The following CHST8 variants were observed in gnomAD, a reference collection of about 807,000 sequenced individuals.
The protein encoded by CHST8 is GALNAC-4-ST1.
In CHST8, 10 loss-of-function variants were observed where a neutral mutation model predicts 15.0. That is an observed-to-expected ratio of 0.67 (90% CI 0.41 to 1.13). The LOEUF (loss-of-function observed/expected upper bound fraction) is 1.13. CHST8 is among the 50% of genes most tolerant of loss of function. The probability of loss-of-function intolerance (pLI) is 0.00; values close to 1 mark genes in which losing one functional copy is unlikely to be tolerated. For synonymous variants in CHST8, 259 were observed against 256.6 expected, an observed-to-expected ratio of 1.01 and a Z score of -0.09; for missense variants, 634 against 608.2, an observed-to-expected ratio of 1.04 and a Z score of -0.45.
chr19:33,659,747 G>A (rs1360256444), intron 1 of CHST8, among the ~76,000 whole-genome samples: 1 of 152,116 alleles, frequency 6.6e-6, no homozygotes, highest in African/African-American at 2.4e-5. Flanking sequence ...GGAGGTGGAG[G>A]CTGCAGTGAG....
In CHST8 at chr19:33,694,204, ATATATATATATATAT is replaced by A. The variant is rs1568331140; in HGVS notation, c.130+4814_130+4828del. ...TATATATATATATATATATATATAT[ATATATATATATATAT>A]AATGTTACCATACAGATTCTCTTGC... On this transcript the variant is annotated intron_variant, in intron 3 of 4. Coordinates refer to ENST00000650847, the MANE Select transcript of CHST8 (RefSeq NM_001127895.2). 1.2e-3 allele frequency among the ~76,000 whole-genome samples: 106 copies of A among 92,146 alleles called. 4 individuals carry two copies. The highest frequency in any genetic ancestry group is 4.5e-3 in the African/African-American group (98 of 21,602). The allele number at this position is 92,146 out of a possible 152,430, so 60.5% of individuals were successfully genotyped here. A position where few individuals can be genotyped will look rare whatever the true frequency, so the allele number is the denominator to read the frequency against.
intron 3 of CHST8, among the ~76,000 whole-genome samples, chr19:33,706,206 G>A (rs1223284808): frequency 6.6e-6 from 1 of 152,214 alleles, no homozygotes; most frequent in South Asian, 2.1e-4. Flanking sequence ...TGGAGGGCCA[G>A]CCTGGGTTAG....
At chr19:33,684,158 C>T (rs1972934661) in intron 2 of CHST8, among the ~76,000 whole-genome samples, 1 of 152,160 alleles carries the variant, frequency 6.6e-6, no homozygotes, top group African/African-American at 2.4e-5. Context: ...GGCTGTGGTG[C>T]TCCTAGTAGG....
chr19:33,755,957 G>C (rs1017247159), intron 3 of CHST8, among the ~76,000 whole-genome samples: 1 of 152,140 alleles, frequency 6.6e-6, no homozygotes, highest in Non-Finnish European at 1.5e-5. Flanking sequence ...GCCTTGAAAG[G>C]GGAATTCAGG....
intron 1 of CHST8, among the ~76,000 whole-genome samples, chr19:33,652,984 G>A (rs536149918): frequency 2.6e-5 from 4 of 152,150 alleles, no homozygotes; most frequent in East Asian, 1.9e-4. Flanking sequence ...TATATCTTTT[G>A]TTGTCTAATT....
Position 33,772,161 on chromosome 19 carries a change from A to G in CHST8, c.373A>G (p.Ile125Val). Residue 125 changes from isoleucine (I) to valine (V), a missense_variant, in exon 5 of 5, where the codon ATC becomes GTC. Physicochemically the swap from Ile to Val is conservative, Grantham distance 29. Transcript: ENST00000650847. ...CAAGAAAATGCCAGCTGCGGCGACC[A>G]TCCCGGCCAACAGCTCGGACGCGCC... The part of the protein sequence containing the change: ...LIKKMPAAAT[I>V]PANSSDAPFI... 1 of 1,602,476 alleles carries G rather than the reference A, an allele frequency of 6.2e-7. No individual in the cohort carries two copies. Among genetic ancestry groups the G allele is most frequent in the East Asian group, 2.2e-5 (1 of 44,474 alleles).
intron 3 of CHST8, among the ~76,000 whole-genome samples, chr19:33,721,931 AGATG>A (rs1420516500): frequency 2.0e-5 from 3 of 146,486 alleles, no homozygotes; most frequent in African/African-American, 7.7e-5. Flanking sequence ...ATGGATGGAC[AGATG>A]GATGGATGGG....
rs546787728 is a variant in CHST8, at chr19:33,744,807, G to A, written c.131-26606G>A. ...TCTGTCGCCCAGGCTAGAGTACAGT[G>A]GCATGATCTCAGCCCACTGCAACCT... On this transcript the variant is annotated intron_variant, in intron 3 of 4. Transcript: ENST00000650847. 3.1e-4 allele frequency among the ~76,000 whole-genome samples: 47 copies of A among 152,170 alleles called. 1 individual carries two copies. In the East Asian group the frequency reaches 7.2e-3, roughly 23 times the overall value.
intron 3 of CHST8, among the ~76,000 whole-genome samples, chr19:33,710,363 T>A (rs1025313452): frequency 6.6e-6 from 1 of 152,232 alleles, no homozygotes; most frequent in Admixed American, 6.5e-5. Flanking sequence ...GCTTCAGGTT[T>A]AGTTTGTCCT....
At chr19:33,631,557 C>T (rs538234113) in intron 1 of CHST8, among the ~76,000 whole-genome samples, 6 of 152,214 alleles carry the variant, frequency 3.9e-5, no homozygotes, top group Admixed American at 6.5e-5. Context: ...CCTTGGTGTG[C>T]GTGGTAAATT....
Position 33,693,946 on chromosome 19 carries a change from AG to A in CHST8, c.130+4556del, listed in dbSNP as rs1196854507. On this transcript the variant is annotated intron_variant, in intron 3 of 4. Transcript: ENST00000650847. ...TTATCACTCCTTCTTCATTCTTTTA[AG>A]TGGAATGGATTTTGTTTTAATGGGG... is the stretch of plus-strand genomic sequence containing the variant. 7.9e-5 allele frequency among the ~76,000 whole-genome samples: 12 copies of A among 151,092 alleles called. No individual in the cohort carries two copies. In the East Asian group the frequency reaches 2.1e-3, roughly 27 times the overall value.
At chr19:33,634,212 C>G (rs1011601825) in intron 1 of CHST8, among the ~76,000 whole-genome samples, 4 of 152,180 alleles carry the variant, frequency 2.6e-5, no homozygotes, top group Admixed American at 1.3e-4. Context: ...CTCTCCCACT[C>G]CACGTCCTGT....
intron 3 of CHST8, among the ~76,000 whole-genome samples, chr19:33,724,404 A>G (rs1973855140): frequency 1.3e-5 from 2 of 152,176 alleles, no homozygotes; most frequent in African/African-American, 4.8e-5. Context: ...CTCCACTTTT[A>G]GATGAGGATA....
In CHST8 at chr19:33,720,778, A is replaced by G. The variant is rs995246334; in HGVS notation, c.130+31387A>G. Among the ~76,000 whole-genome samples, 12 of 152,330 alleles carry G rather than the reference A, an allele frequency of 7.9e-5. No homozygotes were observed. The East Asian group carries it at 1.7e-3, about 22-fold the overall frequency. On this transcript the variant is annotated intron_variant, in intron 3 of 4. Transcript: ENST00000650847. ...CTCCAGGGCAGGCCCCCACTCCCCTATCCTCCTTCCACTATGCAGTTCCTT... is the reference window on the plus strand; with the variant it reads ...CTCCAGGGCAGGCCCCCACTCCCCTGTCCTCCTTCCACTATGCAGTTCCTT...
chr19:33,630,719 C>T (rs1470131634), intron 1 of CHST8, among the ~76,000 whole-genome samples: 1 of 151,644 alleles, frequency 6.6e-6, no homozygotes, highest in East Asian at 2.0e-4. Context: ...TACAGGCAGT[C>T]TGTCTAACTG....
intron 3 of CHST8, among the ~76,000 whole-genome samples, chr19:33,727,018 G>T (rs1489016060): frequency 6.6e-6 from 1 of 151,688 alleles, no homozygotes; most frequent in African/African-American, 2.4e-5. Context: ...TGCCACTTTC[G>T]CTGATGCCTG....
At chr19:33,765,846 C>A (rs1473630122) in intron 3 of CHST8, among the ~76,000 whole-genome samples, 1 of 152,066 alleles carries the variant, frequency 6.6e-6, no homozygotes, top group East Asian at 1.9e-4. Flanking sequence ...AGGTGTGAGC[C>A]ACCACGCCCG....
At chr19:33,709,381 G>A (rs1390795760) in intron 3 of CHST8, among the ~76,000 whole-genome samples, 1 of 151,960 alleles carries the variant, frequency 6.6e-6, no homozygotes, top group Non-Finnish European at 1.5e-5. Context: ...ATGACCTTCA[G>A]GAAATTGTCT....
intron 4 of CHST8, 21 bp downstream of exon 4, chr19:33,771,471 A>T (rs371107498): frequency 4.3e-6 from 7 of 1,612,608 alleles, no homozygotes; most frequent in Non-Finnish European, 5.9e-6. Context: ...AGAGTCAGAT[A>T]AATCTCAGTG....
Sources: allele counts gnomAD v4.1 joint callset (sites outside exome capture counted in the v4.1 genomes callset), GRCh38; gene constraint gnomAD v4.1.1; transcripts MANE v1.5; gene names NCBI Gene and HGNC (gene_info 2026-07-23, HGNC 2026-07-21).